The following TNFSF4 variants were observed in gnomAD, a reference collection of about 807,000 sequenced individuals.
TNFSF4 encodes the protein TNF superfamily member 4.
Under a neutral mutation model 7.3 loss-of-function variants are expected in TNFSF4, and 4 were observed. That is an observed-to-expected ratio of 0.55 (90% CI 0.27 to 1.25). TNFSF4 has a LOEUF of 1.25. Ranked by LOEUF, TNFSF4 falls within the 50% of genes most tolerant of loss-of-function variation. TNFSF4 has a pLI of 0.12. For synonymous variants in TNFSF4, 76 were observed against 83.7 expected (o/e 0.91, Z 0.50); for missense variants, 181 against 208.8 (o/e 0.87, Z 0.82).
the TNFSF4 span, among the ~76,000 whole-genome samples, chr1:173,385,406 C>T: frequency 6.6e-6 from 1 of 152,170 alleles, no homozygotes; most frequent in Non-Finnish European, 1.5e-5. Flanking sequence ...TAGCAAAAAA[C>T]AGGTGCAGGT....
At chr1:173,232,934 T>C in the TNFSF4 span, among the ~76,000 whole-genome samples, 1 of 152,192 alleles carries the variant, frequency 6.6e-6, no homozygotes, top group Non-Finnish European at 1.5e-5. Context: ...AATTTCCAAC[T>C]GAGGAACACA....
At chr1:173,202,070 T>TATACACA (rs150074641) in intron 1 of TNFSF4, among the ~76,000 whole-genome samples, 24 of 149,654 alleles carry the variant, frequency 1.6e-4, no homozygotes, top group African/African-American at 4.9e-4. Flanking sequence ...TATATATATA[T>TATACACA]ACACACACAC....
the TNFSF4 span, among the ~76,000 whole-genome samples, chr1:173,431,049 A>G: frequency 5.9e-5 from 9 of 152,236 alleles, no homozygotes; most frequent in African/African-American, 1.9e-4. Context: ...TCAGCCAGTA[A>G]TTGCTAGATC....
chr1:173,355,450 G>C, the TNFSF4 span, among the ~76,000 whole-genome samples: 1 of 152,136 alleles, frequency 6.6e-6, no homozygotes, highest in African/African-American at 2.4e-5. Flanking sequence ...AATAACACTT[G>C]TGAACCTCTG....
chr1:173,434,888 C>T, the TNFSF4 span, among the ~76,000 whole-genome samples: 1 of 152,146 alleles, frequency 6.6e-6, no homozygotes, highest in South Asian at 2.1e-4. Flanking sequence ...AAATCTAATG[C>T]CCCATGGGAC....
the TNFSF4 span, among the ~76,000 whole-genome samples, chr1:173,406,282 G>A: frequency 3.8e-3 from 578 of 152,270 alleles, 1 homozygote; most frequent in African/African-American, 0.013. Context: ...ACTCATTTGA[G>A]TAAACAGGTC....
At chr1:173,239,404 C>T in the TNFSF4 span, among the ~76,000 whole-genome samples, 1 of 152,166 alleles carries the variant, frequency 6.6e-6, no homozygotes, top group African/African-American at 2.4e-5. Context: ...AAACGCAGGG[C>T]ATAGGAATCT....
the TNFSF4 span, among the ~76,000 whole-genome samples, chr1:173,389,418 C>A: frequency 1.5e-4 from 23 of 152,188 alleles, 1 homozygote; most frequent in African/African-American, 5.5e-4. Context: ...AAACCATTCT[C>A]TTTATTTCTT....
At chr1:173,192,057 A>G (rs1649508962) in intron 1 of TNFSF4, among the ~76,000 whole-genome samples, 5 of 152,286 alleles carry the variant, frequency 3.3e-5, no homozygotes, top group Middle Eastern at 6.8e-3. Context: ...TGCACCTGTA[A>G]TCTTAGCCAC....
the TNFSF4 span, among the ~76,000 whole-genome samples, chr1:173,290,795 C>T: frequency 6.6e-6 from 1 of 152,158 alleles, no homozygotes; most frequent in South Asian, 2.1e-4. Context: ...CTAATCTGCA[C>T]ATGGCACATA....
the TNFSF4 span, among the ~76,000 whole-genome samples, chr1:173,237,348 G>GA: frequency 6.6e-6 from 1 of 152,086 alleles, no homozygotes; most frequent in Admixed American, 6.6e-5. Flanking sequence ...TGAAGAAAAG[G>GA]CTTTTGATAA....
At chr1:173,442,887 G>T in the TNFSF4 span, among the ~76,000 whole-genome samples, 1 of 151,842 alleles carries the variant, frequency 6.6e-6, no homozygotes, top group Non-Finnish European at 1.5e-5. Flanking sequence ...GTTTCACCAC[G>T]TTGGCCTGGC....
At chr1:173,235,966 T>C in the TNFSF4 span, among the ~76,000 whole-genome samples, 2 of 152,198 alleles carry the variant, frequency 1.3e-5, no homozygotes, top group Non-Finnish European at 2.9e-5. Context: ...TTTTTATTTT[T>C]AATTGTGGCA....
chr1:173,335,819 C>A, the TNFSF4 span, among the ~76,000 whole-genome samples: 1 of 152,226 alleles, frequency 6.6e-6, no homozygotes, highest in Non-Finnish European at 1.5e-5. Context: ...CTATTTCTAC[C>A]AGCCTTCCCT....
the TNFSF4 span, among the ~76,000 whole-genome samples, chr1:173,377,572 C>T: frequency 6.6e-6 from 1 of 152,204 alleles, no homozygotes; most frequent in Admixed American, 6.5e-5. Flanking sequence ...TAATGCTTGT[C>T]AGACAAACTT....
the TNFSF4 span, among the ~76,000 whole-genome samples, chr1:173,228,567 A>C: frequency 6.6e-6 from 1 of 152,242 alleles, no homozygotes; most frequent in Non-Finnish European, 1.5e-5. Context: ...CAATGGAACA[A>C]AGCTGGACGG....
the TNFSF4 span, among the ~76,000 whole-genome samples, chr1:173,299,682 T>C: frequency 0.5 from 76,025 of 151,686 alleles, 20,145 homozygotes; most frequent in East Asian, 0.63. Flanking sequence ...TATGGCTTTA[T>C]ATGGGATGAT....
At chr1:173,321,717 G>C in the TNFSF4 span, among the ~76,000 whole-genome samples, 1 of 152,082 alleles carries the variant, frequency 6.6e-6, no homozygotes, top group East Asian at 1.9e-4. Flanking sequence ...TATAAAAAAG[G>C]TTCATCATCA....
the TNFSF4 span, chr1:173,351,625 A>G: frequency 4.3e-6 from 1 of 233,644 alleles, no homozygotes; most frequent in East Asian, 9.0e-5. Context: ...GATACAATGT[A>G]CCATAATCTC....
Sources: gnomAD v4.1 joint callset for allele counts (sites outside exome capture counted in the v4.1 genomes callset) on GRCh38, gnomAD v4.1.1 for gene constraint, MANE v1.5 for transcripts, NCBI Gene and HGNC (gene_info 2026-07-23, HGNC 2026-07-21) for gene names.